Variants in CHRNA5 observed in about 807,000 individuals in gnomAD.
CHRNA5 encodes neuronal acetylcholine receptor subunit alpha-5.
A neutral mutation model predicts 41.2 loss-of-function variants in CHRNA5; 28 were observed. The ratio of observed to expected loss-of-function variants is 0.68; its 90% CI spans 0.50 to 0.93. The LOEUF (loss-of-function observed/expected upper bound fraction) is 0.93, where lower values mean the gene tolerates loss of function less well. Ranked by LOEUF, CHRNA5 falls within the 40% of genes least tolerant of loss-of-function variation. The pLI is 0.00. For missense variants in CHRNA5, 481 were observed against 581.9 expected, an observed-to-expected ratio of 0.83 and a Z score of 1.78; for synonymous variants, 188 against 205.8, an observed-to-expected ratio of 0.91 and a Z score of 0.74.
At chr15:78,567,057 C>T (rs1567048588) in intron 1 of CHRNA5, among the ~76,000 whole-genome samples, 1 of 152,122 alleles carries the variant, frequency 6.6e-6, no homozygotes, top group Non-Finnish European at 1.5e-5. Context: ...TCGAGACCAT[C>T]CTGGCTAACA....
chr15:78,582,910 A>C (rs2052926262), intron 2 of CHRNA5, among the ~76,000 whole-genome samples: 1 of 152,168 alleles, frequency 6.6e-6, no homozygotes, highest in African/African-American at 2.4e-5. Context: ...TGCCATGTTT[A>C]CTTCTTGGGA....
chr15:78,580,706 G>A, intron 1 of CHRNA5, 105 bp from the exon 2 acceptor site: 3 of 856,870 alleles, frequency 3.5e-6, no homozygotes, highest in Non-Finnish European at 5.4e-6. Context: ...GCCCGATCTT[G>A]GCTCACTGCA....
chr15:78,588,995 G>C lies in CHRNA5; in HGVS notation c.413+572G>C, dbSNP rs1473607019. ...ATTTGTGCTTATCTTAAAGCACTTT[G>C]TCTGATTCGAAAGAAGGCCATTTGG... On this transcript the variant is annotated intron_variant, in intron 4 of 5. Transcript: ENST00000299565. This position sits in a 1 kb window ranked among gnomAD's most constrained non-coding sequence, Gnocchi z 4.1. 1.3e-5 allele frequency: 2 copies of C among 151,664 alleles called. No individual in the cohort carries two copies. The highest frequency in any genetic ancestry group is 2.9e-5 in the Non-Finnish European group (2 of 67,980). The allele number at this position is 151,664 out of a possible 1,614,324, so 9.4% of individuals were successfully genotyped here.
exon 1 of CHRNA5, chr15:78,565,730 G>T: frequency 8.5e-7 from 1 of 1,180,604 alleles, no homozygotes; most frequent in East Asian, 3.7e-5. Flanking sequence ...ATGGCGGCGC[G>T]GGGGTCAGGG....
intron 1 of CHRNA5, among the ~76,000 whole-genome samples, chr15:78,570,424 A>ATTTTTTTTTTTTTTTTTTTTTTTTTT (rs71148540): frequency 6.2e-5 from 4 of 64,172 alleles, no homozygotes; most frequent in East Asian, 1.6e-3. Context: ...AATCCCGGCT[A>ATTTTTTTTTTTTTTTTTTTTTTTTTT]TTTTTTTTTT....
chr15:78,593,157 C>A (rs202136309), exon 6 of CHRNA5: 1 of 1,613,696 alleles, frequency 6.2e-7, no homozygotes, highest in Admixed American at 1.7e-5. Context: ...CTTTTCTTTT[C>A]GTTTCAATTG....
chr15:78,576,041 G>A (rs975312491), intron 1 of CHRNA5, among the ~76,000 whole-genome samples: 5 of 152,124 alleles, frequency 3.3e-5, no homozygotes, highest in Admixed American at 2.6e-4. Flanking sequence ...TTAGATACAA[G>A]TCCCCTATCA....
chr15:78,593,789 C>G (rs1380150542), exon 6 of CHRNA5: 2 of 152,082 alleles, frequency 1.3e-5, no homozygotes, highest in African/African-American at 4.8e-5. Flanking sequence ...ACCTGTAATC[C>G]CAGCACTTTG....
intron 1 of CHRNA5, 64 bp downstream of exon 1, chr15:78,565,889 G>C (rs12903524): frequency 2.9e-6 from 3 of 1,037,824 alleles, no homozygotes; most frequent in Non-Finnish European, 3.7e-6. Context: ...CGGTGCCCAG[G>C]AAGCCGCCAG....
chr15:78,593,399 G>T, exon 6 of CHRNA5: 2 of 714,038 alleles, frequency 2.8e-6, no homozygotes, highest in Non-Finnish European at 2.1e-6. Context: ...GTTAACAGAT[G>T]ATCCATTTGA....
chr15:78,590,693 C>T, intron 5 of CHRNA5, 57 bp downstream of exon 5: 1 of 1,461,914 alleles, frequency 6.8e-7, no homozygotes, highest in Non-Finnish European at 9.3e-7. Flanking sequence ...TCAGAAGTTA[C>T]TTTCATTAAT....
In CHRNA5 at chr15:78,592,261, G is replaced by A. The variant is rs528428076; in HGVS notation, c.1246-831G>A. 5.3e-5 allele frequency among the ~76,000 whole-genome samples: 8 copies of A among 152,342 alleles called. No homozygotes were observed. The South Asian group carries it at 1.7e-3, about 32-fold the overall frequency. ...CACTTAAACTTGGGAGGCAGAGGTTGCAGTGAGCCGAGGTCACGCCACTGC... is the reference window on the plus strand; with the variant it reads ...CACTTAAACTTGGGAGGCAGAGGTTACAGTGAGCCGAGGTCACGCCACTGC... On this transcript the variant is annotated intron_variant, in intron 5 of 5. Transcript: ENST00000299565.
In CHRNA5 at chr15:78,570,424, ATTTT is replaced by A. The variant is rs71148540; in HGVS notation, c.106+4621_106+4624del. 1.7e-3 allele frequency among the ~76,000 whole-genome samples: 112 copies of A among 64,170 alleles called. 4 individuals carry two copies. Among genetic ancestry groups the A allele is most frequent in the African/African-American group, 5.5e-3 (81 of 14,830 alleles). The allele number at this position is 64,170 out of a possible 152,430, so 42.1% of individuals were successfully genotyped here. ...CAGGCATGTGCCACCAATCCCGGCTATTTTTTTTTTTTTTTTTTTTTTTTTAGTA... is the reference window on the plus strand; with the variant it reads ...CAGGCATGTGCCACCAATCCCGGCTATTTTTTTTTTTTTTTTTTTTTAGTA... On this transcript the variant is annotated intron_variant, in intron 1 of 5. Transcript: ENST00000299565.
intron 1 of CHRNA5, among the ~76,000 whole-genome samples, chr15:78,570,692 G>A (rs978983944): frequency 6.6e-6 from 1 of 152,014 alleles, no homozygotes; most frequent in Non-Finnish European, 1.5e-5. Context: ...GACAAAAAAG[G>A]TGATATGAAC....
chr15:78,576,502 ATAAG>A (rs1404140837), intron 1 of CHRNA5, among the ~76,000 whole-genome samples: 4 of 152,192 alleles, frequency 2.6e-5, no homozygotes, highest in South Asian at 2.1e-4. Context: ...TAATAATGTA[ATAAG>A]TAAGGCCGGG....
intron 1 of CHRNA5, among the ~76,000 whole-genome samples, chr15:78,578,719 C>T (rs2052881732): frequency 6.6e-6 from 1 of 152,146 alleles, no homozygotes; most frequent in South Asian, 2.1e-4. Context: ...GTGCTAATTT[C>T]TCTCCAACCA....
intron 1 of CHRNA5, among the ~76,000 whole-genome samples, chr15:78,568,841 G>A (rs539311010): frequency 3.6e-4 from 55 of 152,254 alleles, no homozygotes; most frequent in African/African-American, 1.3e-3. Context: ...CACGCTATGT[G>A]ACATTTTAAA....
exon 5 of CHRNA5, chr15:78,589,868 C>T: frequency 6.2e-7 from 1 of 1,613,906 alleles, no homozygotes. Flanking sequence ...GCACTGTCAC[C>T]TGGACTCCAC....
rs117141924 is a variant in CHRNA5 at position 78,579,630 on chromosome 15, A to G, written c.107-1181A>G. Among the ~76,000 whole-genome samples, 58 of 152,308 alleles carry G rather than the reference A, an allele frequency of 3.8e-4. No individual in the cohort carries two copies. In the East Asian group the frequency reaches 0.011, roughly 28 times the overall value. ...CCCTATATCAGCATAACTTTTGGAA[A>G]GAGATCATTCCTGTCTTTGCACTCT... On this transcript the variant is annotated intron_variant, in intron 1 of 5. Coordinates refer to ENST00000299565, the Ensembl canonical transcript of CHRNA5.
Sources: gnomAD v4.1 joint callset for allele counts (sites outside exome capture counted in the v4.1 genomes callset) on GRCh38, gnomAD v4.1.1 for gene constraint, Gnocchi (gnomAD v3.1) non-coding constraint, MANE v1.5 for transcripts, NCBI Gene and HGNC (gene_info 2026-07-23, HGNC 2026-07-21) for gene names.